The following AGXT2 variants were observed in gnomAD, a reference collection of about 807,000 sequenced individuals.
The protein encoded by AGXT2 is alanine--glyoxylate aminotransferase 2, also known as alanine--glyoxylate aminotransferase 2, mitochondrial.
AGXT2 carries 61 observed loss-of-function variants against 62.5 expected under a neutral mutation model. The observed-to-expected ratio is 0.98, with a 90% CI of 0.79 to 1.21. AGXT2 has a LOEUF of 1.21. AGXT2 is among the 50% of genes most tolerant of loss of function. AGXT2 has a pLI of 0.00. For synonymous variants in AGXT2, 243 were observed against 218.7 expected (o/e 1.11, Z -0.98); for missense variants, 666 against 641.5 (o/e 1.04, Z -0.41).
chr5:35,035,852 G>A (rs1268137948), intron 4 of AGXT2, among the ~76,000 whole-genome samples: 9 of 152,122 alleles, frequency 5.9e-5, no homozygotes, highest in South Asian at 2.1e-4. Flanking sequence ...TGAGGCGGGC[G>A]GATCACTTGA....
intron 11 of AGXT2, 75 bp from the exon 12 acceptor site, chr5:35,010,224 T>G: frequency 6.4e-7 from 1 of 1,571,292 alleles, no homozygotes; most frequent in Admixed American, 1.7e-5. Flanking sequence ...GAGAAGTCAT[T>G]TGACATGGCC....
At chr5:35,033,701 G>A (rs1025910656) in intron 5 of AGXT2, 148 bp from the exon 6 acceptor site, 12 of 679,152 alleles carry the variant, frequency 1.8e-5, no homozygotes, top group East Asian at 5.6e-5. Flanking sequence ...AGCTTATGTC[G>A]GATCAATGTA....
chr5:35,023,290 A>G (rs1462451480), intron 9 of AGXT2, among the ~76,000 whole-genome samples: 11 of 152,162 alleles, frequency 7.2e-5, no homozygotes, highest in Admixed American at 7.2e-4. Flanking sequence ...CAGCAGCAAC[A>G]GGGCATACTA....
At chr5:35,021,617 A>T (rs1328169327) in intron 9 of AGXT2, among the ~76,000 whole-genome samples, 25 of 151,956 alleles carry the variant, frequency 1.6e-4, no homozygotes, top group Non-Finnish European at 3.2e-4. Context: ...AACCATAAAA[A>T]CCCTAGAAGA....
chr5:35,044,813 C>T (rs1768125185), intron 1 of AGXT2, among the ~76,000 whole-genome samples: 1 of 152,192 alleles, frequency 6.6e-6, no homozygotes, highest in Non-Finnish European at 1.5e-5. Flanking sequence ...TGTGATCACC[C>T]TTCCTGGCCC....
chr5:35,018,422 C>T (rs1234311514), intron 9 of AGXT2, among the ~76,000 whole-genome samples: 7 of 152,144 alleles, frequency 4.6e-5, no homozygotes, highest in South Asian at 2.1e-4. Flanking sequence ...CAATATTCAA[C>T]GTTCTTAAAG....
At chr5:35,040,440 T>C in intron 2 of AGXT2, 135 bp downstream of exon 2, 2 of 816,626 alleles carry the variant, frequency 2.4e-6, no homozygotes, top group South Asian at 2.8e-5. Context: ...TCCAATGACT[T>C]AGAGGTACAA....
chr5:35,028,582 AG>A (rs1433580391), intron 7 of AGXT2, among the ~76,000 whole-genome samples: 6 of 102,992 alleles, frequency 5.8e-5, no homozygotes, highest in Middle Eastern at 5.3e-3. Flanking sequence ...AGAGAGAGAG[AG>A]AGAGAGAGAG....
chr5:35,011,840 A>T (rs1766652968), intron 11 of AGXT2, among the ~76,000 whole-genome samples: 1 of 151,972 alleles, frequency 6.6e-6, no homozygotes, highest in Non-Finnish European at 1.5e-5. Flanking sequence ...ATTGTAGTAC[A>T]ACTCACAATT....
intron 1 of AGXT2, among the ~76,000 whole-genome samples, chr5:35,041,274 G>A (rs1461316113): frequency 7.2e-6 from 1 of 139,018 alleles, no homozygotes; most frequent in Non-Finnish European, 1.5e-5. Context: ...ATGAAACAGG[G>A]ATAAGCTGAA....
intron 4 of AGXT2, among the ~76,000 whole-genome samples, chr5:35,036,720 G>A (rs1489079141): frequency 2.0e-5 from 3 of 152,076 alleles, no homozygotes; most frequent in Non-Finnish European, 2.9e-5. Flanking sequence ...GGTTTGTTTC[G>A]CCAGCAATTC....
chr5:35,022,864 T>C (rs997706777), intron 9 of AGXT2, among the ~76,000 whole-genome samples: 4 of 151,820 alleles, frequency 2.6e-5, no homozygotes, highest in Non-Finnish European at 5.9e-5. Flanking sequence ...TCTGATAATA[T>C]TGTTTTTCTT....
chr5:35,040,498 A>G, intron 2 of AGXT2, 77 bp downstream of exon 2: 4 of 1,380,508 alleles, frequency 2.9e-6, no homozygotes, highest in Non-Finnish European at 4.1e-6. Flanking sequence ...TTTTTGTGTC[A>G]TTCTTAAGGA....
rs984210431 is a variant in AGXT2 at position 35,020,735 on chromosome 5, A to T, written c.963+5028T>A. ...GAAGTTCTGGCCAGGGCAATTAGGT[A>T]GGAGAAGGAAATAAAGGGTATTCAA... On this transcript the variant is annotated intron_variant, in intron 9 of 13. Coordinates refer to ENST00000231420, the MANE Select transcript of AGXT2 (RefSeq NM_031900.4). Among the ~76,000 whole-genome samples, 29 of 152,346 alleles carry T rather than the reference A, an allele frequency of 1.9e-4. 1 individual carries two copies. Among genetic ancestry groups the T allele is most frequent in the African/African-American group, 5.5e-4 (23 of 41,592 alleles).
rs746602003 is a variant in AGXT2, at chr5:34,998,669, C to T, written c.*50G>A. The T allele has an allele frequency of 6.9e-7, 1 of 1,459,374 alleles. No homozygotes were observed. The highest frequency in any genetic ancestry group is 9.6e-7 in the Non-Finnish European group (1 of 1,043,508). The allele number at this position is 1,459,374 out of a possible 1,614,324, so 90.4% of individuals were successfully genotyped here. ...GAAATTCTTCAAATTCACCCTTGAA[C>T]ATACGTGGCAAATTCTTGAGACTTG... On this transcript the variant is annotated 3_prime_UTR_variant, in exon 14 of 14. Coordinates refer to ENST00000231420, the MANE Select transcript of AGXT2 (RefSeq NM_031900.4).
chr5:35,025,218 A>G (rs1767284843), intron 9 of AGXT2, among the ~76,000 whole-genome samples: 1 of 152,082 alleles, frequency 6.6e-6, no homozygotes, highest in Admixed American at 6.5e-5. Flanking sequence ...TTTACTAAAA[A>G]TACAAAAATT....
chr5:35,032,940 T>C (rs1339551764), intron 6 of AGXT2, 115 bp from the exon 7 acceptor site: 1 of 852,474 alleles, frequency 1.2e-6, no homozygotes, highest in East Asian at 2.7e-5. Flanking sequence ...CCCTCATTCT[T>C]CCCCCACTTA....
intron 7 of AGXT2, among the ~76,000 whole-genome samples, chr5:35,029,865 T>C (rs565412517): frequency 3.4e-3 from 515 of 152,146 alleles, no homozygotes; most frequent in South Asian, 7.7e-3. Context: ...GACAAATAAA[T>C]ATACCATATA....
chr5:35,002,200 C>T (rs993049654), intron 13 of AGXT2, among the ~76,000 whole-genome samples: 1 of 114,688 alleles, frequency 8.7e-6, no homozygotes, highest in Non-Finnish European at 2.1e-5. Context: ...ATATTTATGA[C>T]CTGGACTAGA....
Sources: gnomAD v4.1 joint callset for allele counts (sites outside exome capture counted in the v4.1 genomes callset) on GRCh38, gnomAD v4.1.1 for gene constraint, MANE v1.5 for transcripts, NCBI Gene and HGNC (gene_info 2026-07-23, HGNC 2026-07-21) for gene names.